The following TRPM3 variants were observed in gnomAD, a reference collection of about 807,000 sequenced individuals.
The protein encoded by TRPM3 is transient receptor potential cation channel subfamily M member 3.
TRPM3 carries 77 observed loss-of-function variants against 181.2 expected under a neutral mutation model. The ratio of observed to expected loss-of-function variants is 0.42; its 90% CI spans 0.35 to 0.51. The LOEUF (loss-of-function observed/expected upper bound fraction) is 0.51, where lower values mean the gene tolerates loss of function less well. Ranked by LOEUF, TRPM3 falls within the 20% of genes least tolerant of loss-of-function variation. The pLI, the probability that TRPM3 is intolerant of heterozygous loss-of-function variation, is 0.01. For missense variants in TRPM3, 1,759 were observed against 2,196.7 expected, an observed-to-expected ratio of 0.80 and a Z score of 3.98; for synonymous variants, 745 against 796.4, an observed-to-expected ratio of 0.94 and a Z score of 1.09.
At chr9:71,021,308 T>C (rs745998607) in intron 1 of TRPM3, among the ~76,000 whole-genome samples, 5 of 152,226 alleles carry the variant, frequency 3.3e-5, no homozygotes, top group Non-Finnish European at 5.9e-5. Flanking sequence ...TATTAAGCTA[T>C]GCAGATATAA....
chr9:71,255,277 G>A (rs918796621), intron 1 of TRPM3, among the ~76,000 whole-genome samples: 1 of 152,058 alleles, frequency 6.6e-6, no homozygotes, highest in Non-Finnish European at 1.5e-5. Flanking sequence ...TTTAAAAAAT[G>A]CTAAATGGTT....
intron 22 of TRPM3, among the ~76,000 whole-genome samples, chr9:70,581,201 C>A (rs1376267044): frequency 6.6e-6 from 1 of 152,248 alleles, no homozygotes; most frequent in East Asian, 1.9e-4. Flanking sequence ...CTTAACTCAC[C>A]AGTGGGTGTC....
At chr9:71,100,670 C>G (rs899026186) in intron 1 of TRPM3, among the ~76,000 whole-genome samples, 3 of 152,054 alleles carry the variant, frequency 2.0e-5, no homozygotes, top group African/African-American at 7.2e-5. Context: ...CCTTCCTTGC[C>G]CATCAGAATC....
chr9:71,392,270 T>C (rs992809145), intron 1 of TRPM3, among the ~76,000 whole-genome samples: 1 of 152,022 alleles, frequency 6.6e-6, no homozygotes, highest in Non-Finnish European at 1.5e-5. Context: ...TGAACTTTGG[T>C]TAGAGAGAAA....
At chr9:71,118,213 C>A (rs1310057622) in intron 1 of TRPM3, among the ~76,000 whole-genome samples, 1 of 152,174 alleles carries the variant, frequency 6.6e-6, no homozygotes, top group Non-Finnish European at 1.5e-5. Flanking sequence ...TCCAGAAATT[C>A]ATTTCCAAGT....
At chr9:70,586,062 C>T (rs1212774391) in intron 22 of TRPM3, among the ~76,000 whole-genome samples, 4 of 152,338 alleles carry the variant, frequency 2.6e-5, no homozygotes, top group South Asian at 4.1e-4. Context: ...CTTCCTGAAA[C>T]ATCAGCTCAT....
chr9:71,196,123 A>G (rs1346325555), intron 1 of TRPM3, among the ~76,000 whole-genome samples: 1 of 151,432 alleles, frequency 6.6e-6, no homozygotes, highest in East Asian at 1.9e-4. Flanking sequence ...CCCAAAAGTT[A>G]ATATTTTATG....
intron 1 of TRPM3, among the ~76,000 whole-genome samples, chr9:71,023,979 A>T (rs1486107934): frequency 6.6e-6 from 1 of 152,218 alleles, no homozygotes; most frequent in African/African-American, 2.4e-5. Context: ...ATACACACAC[A>T]AATGAATGTA....
chr9:70,656,719 TATTAA>T (rs1281979771), intron 9 of TRPM3, among the ~76,000 whole-genome samples: 5 of 152,204 alleles, frequency 3.3e-5, no homozygotes, highest in Non-Finnish European at 7.4e-5. Flanking sequence ...TCTAAAGTTG[TATTAA>T]ATTAAATAAT....
intron 7 of TRPM3, chr9:70,775,234 A>C (rs182493349): frequency 7.2e-4 from 109 of 152,348 alleles, no homozygotes; most frequent in Middle Eastern, 3.4e-3. Flanking sequence ...CACCTCACTC[A>C]GATAAATTTG....
intron 1 of TRPM3, among the ~76,000 whole-genome samples, chr9:71,189,740 C>T (rs1268439597): frequency 6.6e-6 from 1 of 151,850 alleles, no homozygotes; most frequent in Non-Finnish European, 1.5e-5. Context: ...CCTTATTCCT[C>T]CTTTTTCCTT....
chr9:70,796,546 G>A (rs1017417906), intron 6 of TRPM3, among the ~76,000 whole-genome samples: 2 of 152,094 alleles, frequency 1.3e-5, no homozygotes, highest in African/African-American at 2.4e-5. Context: ...TTCTCATTGT[G>A]TGTTCTCATA....
intron 1 of TRPM3, among the ~76,000 whole-genome samples, chr9:71,256,671 T>C (rs2082694113): frequency 6.6e-6 from 1 of 152,164 alleles, no homozygotes; most frequent in South Asian, 2.1e-4. Context: ...GCCATGACCG[T>C]ATGCCTGACA....
chr9:70,637,383 C>T (rs2057378383), intron 11 of TRPM3, among the ~76,000 whole-genome samples: 1 of 152,054 alleles, frequency 6.6e-6, no homozygotes, highest in Non-Finnish European at 1.5e-5. Flanking sequence ...ACAAAGTATT[C>T]CGGGAAGCCA....
At chr9:71,384,245 T>C (rs2092875210) in intron 1 of TRPM3, among the ~76,000 whole-genome samples, 1 of 152,294 alleles carries the variant, frequency 6.6e-6, no homozygotes, top group South Asian at 2.1e-4. Context: ...ATTCTTTTGG[T>C]TCCTTATTTC....
rs569729312 is a variant in TRPM3 at position 71,147,601 on chromosome 9, G to A, written c.184-283090C>T. Among the ~76,000 whole-genome samples, 137 of 152,264 alleles carry A rather than the reference G, an allele frequency of 9.0e-4. 1 individual carries two copies. Among genetic ancestry groups the A allele is most frequent in the African/African-American group, 2.4e-3 (101 of 41,550 alleles). The stretch of plus-strand genomic sequence containing the variant: ...TGACAAAAACCCTCAAGAGATCTGC[G>A]TTGAGTACTGACTGATTCTTTTAAA... On this transcript the variant is annotated intron_variant, in intron 1 of 24. Coordinates refer to the TRPM3 transcript ENST00000357533.
At chr9:71,079,705 T>G (rs921479539) in intron 1 of TRPM3, among the ~76,000 whole-genome samples, 1 of 152,170 alleles carries the variant, frequency 6.6e-6, no homozygotes, top group Non-Finnish European at 1.5e-5. Context: ...GCTGGCTTAG[T>G]AGTCAACAGG....
At chr9:71,323,801 A>G (rs1157537683) in intron 1 of TRPM3, among the ~76,000 whole-genome samples, 1 of 152,138 alleles carries the variant, frequency 6.6e-6, no homozygotes, top group Non-Finnish European at 1.5e-5. Flanking sequence ...GGAAATGTGC[A>G]GCCTAGAAGA....
chr9:71,281,422 C>T (rs1005234270), intron 1 of TRPM3, among the ~76,000 whole-genome samples: 4 of 152,156 alleles, frequency 2.6e-5, no homozygotes, highest in African/African-American at 7.2e-5. Flanking sequence ...CTATTTTATT[C>T]ACATATTTTG....
Sources: gnomAD v4.1 joint callset for allele counts (sites outside exome capture counted in the v4.1 genomes callset) on GRCh38, gnomAD v4.1.1 for gene constraint, MANE v1.5 for transcripts, NCBI Gene and HGNC (gene_info 2026-07-23, HGNC 2026-07-21) for gene names.